PIK3CD: variants seen among roughly 807,000 people sequenced by gnomAD.
The protein encoded by PIK3CD is phosphatidylinositol 4,5-bisphosphate 3-kinase catalytic subunit delta isoform.
In PIK3CD, 20 loss-of-function variants were observed where a neutral mutation model predicts 122.9. The ratio of observed to expected loss-of-function variants is 0.16; its 90% CI spans 0.11 to 0.24. The LOEUF (loss-of-function observed/expected upper bound fraction) is 0.24. Ranked by LOEUF, PIK3CD falls within the 10% of genes least tolerant of loss-of-function variation. PIK3CD has a pLI of 1.00. For missense variants in PIK3CD, 787 were observed against 1,406.3 expected (o/e 0.56, Z 7.04); for synonymous variants, 596 against 593.4 (o/e 1.00, Z -0.06).
chr1:9,643,641 C>G, the PIK3CD span, among the ~76,000 whole-genome samples: 1 of 152,098 alleles, frequency 6.6e-6, no homozygotes, highest in Non-Finnish European at 1.5e-5. Flanking sequence ...CCCTCTGTGT[C>G]AGGTACAGTT....
chr1:9,722,668 C>T lies in PIK3CD; in HGVS notation c.2426+62C>T, dbSNP rs1648871005. The T allele has an allele frequency of 1.5e-5, 20 of 1,360,944 alleles. No homozygotes were observed. Among genetic ancestry groups the T allele is most frequent in the Middle Eastern group, 1.8e-4 (1 of 5,596 alleles). The allele number at this position is 1,360,944 out of a possible 1,614,324, so 84.3% of individuals were successfully genotyped here. A position where few individuals can be genotyped will look rare whatever the true frequency, so the allele number is the denominator to read the frequency against. On this transcript the variant is annotated intron_variant, in intron 19 of 23. Transcript: ENST00000377346. This position sits in a 1 kb window ranked among gnomAD's most constrained non-coding sequence, Gnocchi z 7.6. ...GTGCCCAGCCTGGGAGTCTGTGCCC[C>T]TGGAGGGGTCCTTGTTGAAGGTGGC...
chr1:9,718,972 T>C lies in PIK3CD; in HGVS notation c.1242+57T>C. The C allele has an allele frequency of 6.6e-7, 1 of 1,505,226 alleles. No individual in the cohort carries two copies. Among genetic ancestry groups the C allele is most frequent in the Non-Finnish European group, 9.1e-7 (1 of 1,092,924 alleles). 93.2% of individuals were successfully genotyped at this position (1,505,226 alleles called of 1,614,324 possible). On this transcript the variant is annotated intron_variant, in intron 9 of 23. Transcript: ENST00000377346. The surrounding 1 kb of genome is among the most constrained non-coding windows in gnomAD (Gnocchi z 7.2). ...GACCCCGGAGAGCCAGTACAGCCCC[T>C]TGCTGGGCCACTCACCACTCTCCTC...
chr1:9,627,779 G>A, the PIK3CD span, among the ~76,000 whole-genome samples: 68 of 152,316 alleles, frequency 4.5e-4, no homozygotes, highest in African/African-American at 1.5e-3. Flanking sequence ...TTGGTGCTGA[G>A]GGATGACTGC....
rs1324469986 is a variant in PIK3CD at position 9,719,951 on chromosome 1, C to T, written c.1273C>T (p.Leu425=). ...CCCCATTGCCTGGGCCAACCTCATG[C>T]TGTTTGACTACAAGGACCAGCTTAA... The part of the protein sequence containing the change: ...DCPIAWANLM[L]FDYKDQLKTG... Residue 425 remains leucine (L), a synonymous_variant, in exon 10 of 24, where the codon CTG becomes TTG. Transcript: ENST00000377346. This position sits in a 1 kb window ranked among gnomAD's most constrained non-coding sequence, Gnocchi z 5.5. 4 of 1,613,716 alleles carry T rather than the reference C, an allele frequency of 2.5e-6. No individual in the cohort carries two copies. Among genetic ancestry groups the T allele is most frequent in the East Asian group, 2.2e-5 (1 of 44,884 alleles).
chr1:9,701,106 C>T (rs952109971), intron 2 of PIK3CD, among the ~76,000 whole-genome samples: 6 of 152,274 alleles, frequency 3.9e-5, no homozygotes, highest in Non-Finnish European at 7.4e-5. Flanking sequence ...TCCTCCAGGG[C>T]TGTCCATCCG....
chr1:9,716,025 C>G lies in PIK3CD; in HGVS notation c.547C>G (p.Leu183Val). 1 of 1,612,682 alleles carries G rather than the reference C, an allele frequency of 6.2e-7. No individual in the cohort carries two copies. Among genetic ancestry groups the G allele is most frequent in the Non-Finnish European group, 8.5e-7 (1 of 1,179,968 alleles). The change falls in exon 5 of 24, where the codon CTG becomes GTG. Residue 183 changes from leucine (L) to valine (V), a missense_variant. Transcript: ENST00000377346. ...GGCTCAAACCTGGGGGCCTGGTACC[C>G]TGCGGCTCCCGAACCGGGCCCTTCT... ...PSAQTWGPGT[L>V]RLPNRALLVN...
chr1:9,639,374 G>A, the PIK3CD span, among the ~76,000 whole-genome samples: 1 of 152,060 alleles, frequency 6.6e-6, no homozygotes, highest in Non-Finnish European at 1.5e-5. Context: ...GGATGGGGCA[G>A]GGCCCAGCTC....
chr1:9,660,047 C>G (rs924100097), intron 1 of PIK3CD, among the ~76,000 whole-genome samples: 1 of 152,252 alleles, frequency 6.6e-6, no homozygotes, highest in Non-Finnish European at 1.5e-5. Flanking sequence ...TCCCAAGTAG[C>G]TGGGATTACA....
At position 9,698,205 on chromosome 1, in the gene PIK3CD, CG is replaced by C. The variant is rs1646493154; in HGVS notation, c.-33+6635del. 5.9e-5 allele frequency among the ~76,000 whole-genome samples: 9 copies of C among 152,194 alleles called. No homozygotes were observed. The South Asian group carries it at 1.9e-3, about 32-fold the overall frequency. The stretch of plus-strand genomic sequence containing the variant: ...TTGCCCAGGCTGGTGTGCAATGGCA[CG>C]ATCTCGGCTCACTGTAACCTCCGCC... On this transcript the variant is annotated intron_variant, in intron 2 of 23. Transcript: ENST00000377346.
chr1:9,690,386 A>G (rs1205886102), intron 1 of PIK3CD, among the ~76,000 whole-genome samples: 1 of 152,162 alleles, frequency 6.6e-6, no homozygotes, highest in Non-Finnish European at 1.5e-5. Flanking sequence ...CTGTTTTGAA[A>G]GGGCTTTCCT....
chr1:9,684,845 CAAAA>C (rs200995845), intron 1 of PIK3CD, among the ~76,000 whole-genome samples: 2 of 108,816 alleles, frequency 1.8e-5, no homozygotes, highest in Non-Finnish European at 3.8e-5. Flanking sequence ...GACCCTGTCT[CAAAA>C]AAAAAAAAAA....
the PIK3CD span, among the ~76,000 whole-genome samples, chr1:9,627,423 A>G: frequency 6.6e-6 from 1 of 152,236 alleles, no homozygotes; most frequent in Admixed American, 6.5e-5. Context: ...CGAGCATCCA[A>G]CAGGCTGGGG....
intron 1 of PIK3CD, among the ~76,000 whole-genome samples, chr1:9,664,898 GTC>G (rs1645113366): frequency 6.6e-6 from 1 of 152,080 alleles, no homozygotes; most frequent in South Asian, 2.1e-4. Flanking sequence ...GGGTATTTCA[GTC>G]TTAAGATTAT....
At chr1:9,686,365 CT>C (rs59087456) in intron 1 of PIK3CD, among the ~76,000 whole-genome samples, 497 of 137,480 alleles carry the variant, frequency 3.6e-3, no homozygotes, top group Middle Eastern at 3.8e-3. Flanking sequence ...GGCTAATTTT[CT>C]TTTTTTTTTT....
At chr1:9,658,165 T>C (rs1485152544) in intron 1 of PIK3CD, among the ~76,000 whole-genome samples, 1 of 152,050 alleles carries the variant, frequency 6.6e-6, no homozygotes, top group African/African-American at 2.4e-5. Flanking sequence ...GGAGGATCAC[T>C]TGAGCCCAGG....
rs188241715 is a variant in PIK3CD, at chr1:9,655,728, C to G, written c.-138+3926C>G. Among the ~76,000 whole-genome samples, 23 of 131,476 alleles carry G rather than the reference C, an allele frequency of 1.7e-4. No homozygotes were observed. In the East Asian group the frequency reaches 5.2e-3, roughly 30 times the overall value. The allele number at this position is 131,476 out of a possible 152,430, so 86.3% of individuals were successfully genotyped here. A position where few individuals can be genotyped will look rare whatever the true frequency, so the allele number is the denominator to read the frequency against. On this transcript the variant is annotated intron_variant, in intron 1 of 23. Transcript: ENST00000377346. ...TTTTTTTTTTTTTGAGACGGAGTCTCGCTTTGTCGCCCAGGCTGGAGTGCA... is the reference window on the plus strand; with the variant it reads ...TTTTTTTTTTTTTGAGACGGAGTCTGGCTTTGTCGCCCAGGCTGGAGTGCA...
the PIK3CD span, among the ~76,000 whole-genome samples, chr1:9,628,005 C>T: frequency 6.6e-6 from 1 of 152,220 alleles, no homozygotes; most frequent in Non-Finnish European, 1.5e-5. Flanking sequence ...GCTGAGATCG[C>T]GTCACTGCGA....
chr1:9,639,951 A>G, the PIK3CD span, among the ~76,000 whole-genome samples: 1 of 151,756 alleles, frequency 6.6e-6, no homozygotes, highest in Admixed American at 6.6e-5. Flanking sequence ...TATGTTTCCT[A>G]GGCTAGTCTT....
chr1:9,653,982 G>A (rs759809470), intron 1 of PIK3CD: 13 of 1,335,464 alleles, frequency 9.7e-6, no homozygotes, highest in Non-Finnish European at 1.3e-5. Flanking sequence ...CAGACGGGAG[G>A]ATCACTTGAA....
Sources: gnomAD v4.1 joint callset for allele counts (sites outside exome capture counted in the v4.1 genomes callset) on GRCh38, gnomAD v4.1.1 for gene constraint, Gnocchi (gnomAD v3.1) non-coding constraint, MANE v1.5 for transcripts, NCBI Gene and HGNC (gene_info 2026-07-23, HGNC 2026-07-21) for gene names.